Variants in USP48 observed in about 807,000 individuals in gnomAD.
USP48 encodes ubiquitin specific peptidase 48.
A neutral mutation model predicts 150.7 loss-of-function variants in USP48; 43 were observed. That is an observed-to-expected ratio of 0.29 (90% CI 0.22 to 0.37). The LOEUF is 0.37. USP48 is among the 10% of genes least tolerant of loss of function. USP48 has a pLI of 1.00. For missense variants in USP48, 813 were observed against 1,249.6 expected, an observed-to-expected ratio of 0.65 and a Z score of 5.27; for synonymous variants, 396 against 425.9, an observed-to-expected ratio of 0.93 and a Z score of 0.86.
At chr1:21,718,192 T>C (rs1032963559) in intron 14 of USP48, among the ~76,000 whole-genome samples, 5 of 152,210 alleles carry the variant, frequency 3.3e-5, no homozygotes, top group African/African-American at 4.8e-5. Context: ...TGTGTGTACA[T>C]AGTCATGTAA....
Position 21,751,571 on chromosome 1 carries a change from T to C in USP48, c.710A>G (p.Tyr237Cys). Residue 237 changes from tyrosine (Y) to cysteine (C), a missense_variant, in exon 6 of 27, where the codon TAT becomes TGT. Coordinates refer to ENST00000308271, the MANE Select transcript of USP48 (RefSeq NM_032236.8). ...GCCTTGGATATTTAACTCCAGCTCA[T>C]AAAATTTTGACAAAAGCTTAGACTC... ...GRESKLLSKF[Y>C]ELELNIQGHK... The C allele has an allele frequency of 6.2e-7, 1 of 1,613,996 alleles. No homozygotes were observed. The highest frequency in any genetic ancestry group is 8.5e-7 in the Non-Finnish European group (1 of 1,179,984).
At chr1:21,752,297 G>A (rs958386865) in intron 5 of USP48, among the ~76,000 whole-genome samples, 2 of 152,114 alleles carry the variant, frequency 1.3e-5, no homozygotes, top group Admixed American at 1.3e-4. Flanking sequence ...CATAAAGCAA[G>A]AGCAGACTGC....
At chr1:21,737,419 T>C (rs2097771111) in intron 8 of USP48, among the ~76,000 whole-genome samples, 1 of 152,214 alleles carries the variant, frequency 6.6e-6, no homozygotes, top group African/African-American at 2.4e-5. Context: ...CTATTTTAAT[T>C]AAATAAAATC....
intron 18 of USP48, 118 bp from the exon 19 acceptor site, chr1:21,705,955 G>A (rs763482098): frequency 1.8e-4 from 188 of 1,031,558 alleles, no homozygotes; most frequent in Middle Eastern, 2.5e-4. Flanking sequence ...GTAATTCAAT[G>A]TGTTTCTTAG....
intron 1 of USP48, among the ~76,000 whole-genome samples, chr1:21,767,425 A>G (rs1444664708): frequency 6.6e-6 from 1 of 152,016 alleles, no homozygotes; most frequent in African/African-American, 2.4e-5. Flanking sequence ...CCTGGTTTCA[A>G]GTGATTCTCC....
At chr1:21,781,918 T>C (rs2097915577) in intron 1 of USP48, 1 of 152,222 alleles carries the variant, frequency 6.6e-6, no homozygotes, top group South Asian at 2.1e-4. Context: ...CTTATTCGTT[T>C]GCTTTATAGA....
intron 6 of USP48, 97 bp downstream of exon 6, chr1:21,751,410 A>G: frequency 1.1e-6 from 1 of 911,560 alleles, no homozygotes; most frequent in Non-Finnish European, 1.7e-6. Flanking sequence ...AGCTGACACA[A>G]TAAAAGCTCT....
chr1:21,732,410 C>T (rs1195523848), intron 9 of USP48, among the ~76,000 whole-genome samples: 1 of 152,198 alleles, frequency 6.6e-6, no homozygotes, highest in Non-Finnish European at 1.5e-5. Flanking sequence ...TCTCTTTTCA[C>T]AATCAGTTGA....
chr1:21,686,855 T>C (rs897478437), intron 25 of USP48: 2 of 264,102 alleles, frequency 7.6e-6, no homozygotes, highest in East Asian at 1.9e-4. Context: ...CTTTTTAGGC[T>C]CACAATTCAT....
At chr1:21,747,282 A>G in intron 7 of USP48, 133 bp from the exon 8 acceptor site, 1 of 574,008 alleles carries the variant, frequency 1.7e-6, no homozygotes, top group Non-Finnish European at 3.0e-6. Flanking sequence ...AACATGTACA[A>G]TTAGAAGTAA....
intron 1 of USP48, among the ~76,000 whole-genome samples, chr1:21,779,784 T>C (rs566272894): frequency 1.7e-4 from 26 of 152,068 alleles, no homozygotes; most frequent in African/African-American, 6.3e-4. Context: ...TATTGATCAA[T>C]AAAAGGAAAA....
intron 6 of USP48, among the ~76,000 whole-genome samples, chr1:21,750,905 G>A (rs1024701142): frequency 2.0e-5 from 3 of 151,510 alleles, no homozygotes; most frequent in African/African-American, 4.9e-5. Flanking sequence ...AAAATTCAGC[G>A]AAATGAATTC....
At chr1:21,757,823 T>TA in intron 1 of USP48, 40 bp from the exon 2 acceptor site, 3 of 1,553,754 alleles carry the variant, frequency 1.9e-6, no homozygotes, top group Non-Finnish European at 2.6e-6. Context: ...TAAAAGACCA[T>TA]AGTTTCATGA....
chr1:21,706,985 A>C (rs333172), intron 15 of USP48, 117 bp from the exon 16 acceptor site: 98,574 of 1,193,376 alleles, frequency 0.083, 4,457 homozygotes, highest in Middle Eastern at 0.11. Context: ...TGCTTTGCTA[A>C]AGTTTGGTAT....
At chr1:21,680,388 T>C (rs2097562698) in intron 26 of USP48, among the ~76,000 whole-genome samples, 1 of 152,242 alleles carries the variant, frequency 6.6e-6, no homozygotes. Context: ...ATTAATTAAA[T>C]CTTTTCACTG....
At chr1:21,704,232 A>G in intron 20 of USP48, 30 bp downstream of exon 20, 2 of 1,602,548 alleles carry the variant, frequency 1.2e-6, no homozygotes, top group Non-Finnish European at 1.7e-6. Context: ...GCTCTTAACT[A>G]TAGAAACCGA....
chr1:21,754,566 TCTC>T (rs1273054361), intron 3 of USP48, among the ~76,000 whole-genome samples: 1 of 152,068 alleles, frequency 6.6e-6, no homozygotes, highest in Non-Finnish European at 1.5e-5. Flanking sequence ...TGCAAATACT[TCTC>T]CTTTGCCAGT....
intron 8 of USP48, among the ~76,000 whole-genome samples, chr1:21,745,935 T>C (rs2097793450): frequency 2.0e-5 from 3 of 152,244 alleles, no homozygotes; most frequent in Admixed American, 2.0e-4. Flanking sequence ...AAAACTGAAG[T>C]TGAAAACAGT....
chr1:21,715,262 G>C (rs144047861), intron 15 of USP48, 127 bp downstream of exon 15: 1 of 598,770 alleles, frequency 1.7e-6, no homozygotes, highest in East Asian at 3.1e-5. Context: ...CTAAATATGG[G>C]GAAATTCTAT....
Sources: gnomAD v4.1 joint callset for allele counts (sites outside exome capture counted in the v4.1 genomes callset) on GRCh38, gnomAD v4.1.1 for gene constraint, MANE v1.5 for transcripts, NCBI Gene and HGNC (gene_info 2026-07-23, HGNC 2026-07-21) for gene names.